The following SOX5 variants were observed in gnomAD, a reference collection of about 807,000 sequenced individuals.
The protein encoded by SOX5 is SRY-box transcription factor 5.
Under a neutral mutation model 92.0 loss-of-function variants are expected in SOX5, and 9 were observed. The ratio of observed to expected loss-of-function variants is 0.10; its 90% CI spans 0.06 to 0.17. The LOEUF is 0.17. Among genes scored for constraint, SOX5 ranks in the 10% least tolerant of loss-of-function variants. The probability of loss-of-function intolerance (pLI) is 1.00; values close to 1 mark genes in which losing one functional copy is unlikely to be tolerated. For synonymous variants in SOX5, 344 were observed against 336.3 expected, an observed-to-expected ratio of 1.02 and a Z score of -0.25; for missense variants, 642 against 944.5, an observed-to-expected ratio of 0.68 and a Z score of 4.20.
At chr12:24,506,869 T>A (rs368333915) in intron 1 of SOX5, among the ~76,000 whole-genome samples, 1 of 138,888 alleles carries the variant, frequency 7.2e-6, no homozygotes, top group Non-Finnish European at 1.5e-5. Context: ...CGGCTCACTG[T>A]AAGCTCCGCC....
chr12:24,326,781 T>TACAC (rs1306084119), intron 2 of SOX5, among the ~76,000 whole-genome samples: 1 of 42,346 alleles, frequency 2.4e-5, no homozygotes, highest in Non-Finnish European at 5.8e-5. Flanking sequence ...CACCCATTCA[T>TACAC]ACACACACAT....
At chr12:24,450,736 C>T (rs1434850040) in intron 1 of SOX5, among the ~76,000 whole-genome samples, 1 of 151,860 alleles carries the variant, frequency 6.6e-6, no homozygotes, top group African/African-American at 2.4e-5. Context: ...AGTGATCCAC[C>T]CACCTTGGCC....
intron 8 of SOX5, among the ~76,000 whole-genome samples, chr12:23,623,283 AC>A (rs2077393523): frequency 6.6e-6 from 1 of 152,188 alleles, no homozygotes; most frequent in Admixed American, 6.5e-5. Context: ...TTATTATAAG[AC>A]AAATGTATTA....
At chr12:24,068,604 T>A (rs934369132) in intron 4 of SOX5, among the ~76,000 whole-genome samples, 1 of 150,804 alleles carries the variant, frequency 6.6e-6, no homozygotes, top group Non-Finnish European at 1.5e-5. Context: ...TTTTAAGATC[T>A]CCTATAGCTG....
At chr12:24,525,607 C>T (rs1412524596) in intron 1 of SOX5, among the ~76,000 whole-genome samples, 1 of 151,838 alleles carries the variant, frequency 6.6e-6, no homozygotes, top group African/African-American at 2.4e-5. Flanking sequence ...CGTGGTGGCT[C>T]ACGCCTGTAA....
chr12:24,009,207 G>C (rs1247233298), intron 4 of SOX5, among the ~76,000 whole-genome samples: 1 of 152,218 alleles, frequency 6.6e-6, no homozygotes, highest in Non-Finnish European at 1.5e-5. Context: ...TTCCACGTGA[G>C]ACCCATCCAG....
chr12:24,434,937 T>C (rs542464433), intron 1 of SOX5, among the ~76,000 whole-genome samples: 1 of 152,374 alleles, frequency 6.6e-6, no homozygotes, highest in Non-Finnish European at 1.5e-5. Context: ...GTCCCTCAAA[T>C]ACCTAGCAGA....
chr12:24,217,179 G>A (rs993112650), intron 3 of SOX5, among the ~76,000 whole-genome samples: 3 of 152,096 alleles, frequency 2.0e-5, no homozygotes, highest in African/African-American at 7.2e-5. Context: ...AACCTTAAAG[G>A]GGTTCTTAGG....
chr12:24,023,363 C>T (rs7973213), intron 4 of SOX5, among the ~76,000 whole-genome samples: 132,555 of 152,084 alleles, frequency 0.87, 58,043 homozygotes, highest in East Asian at 0.98. Flanking sequence ...ACCTCAGAAA[C>T]TGGATGAATG....
At chr12:24,321,315 G>GA (rs1011020616) in intron 2 of SOX5, among the ~76,000 whole-genome samples, 1 of 152,108 alleles carries the variant, frequency 6.6e-6, no homozygotes, top group Non-Finnish European at 1.5e-5. Flanking sequence ...TATTTGTGTA[G>GA]AAAAATCTCA....
chr12:23,970,334 C>T (rs1948085115), intron 4 of SOX5, among the ~76,000 whole-genome samples: 1 of 151,638 alleles, frequency 6.6e-6, no homozygotes, highest in Admixed American at 6.6e-5. Context: ...TATTTAAGTA[C>T]AATTCAGTGG....
chr12:24,224,616 G>T (rs565205076), intron 3 of SOX5, among the ~76,000 whole-genome samples: 1 of 152,088 alleles, frequency 6.6e-6, no homozygotes, highest in East Asian at 1.9e-4. Flanking sequence ...TACAGTTGGT[G>T]AATTTCACTT....
At chr12:24,131,150 T>A (rs560119873) in intron 4 of SOX5, among the ~76,000 whole-genome samples, 5 of 152,308 alleles carry the variant, frequency 3.3e-5, no homozygotes, top group Non-Finnish European at 5.9e-5. Flanking sequence ...AATAACCCAA[T>A]TAGAGGTGAA....
intron 3 of SOX5, among the ~76,000 whole-genome samples, chr12:23,792,646 A>C (rs1393486542): frequency 3.0e-4 from 40 of 132,758 alleles, no homozygotes; most frequent in Middle Eastern, 3.6e-3. Flanking sequence ...AAAAAAAAAA[A>C]AAAAAAAAAA....
chr12:24,412,193 T>C (rs1451029698), intron 1 of SOX5, among the ~76,000 whole-genome samples: 1 of 152,202 alleles, frequency 6.6e-6, no homozygotes, highest in East Asian at 1.9e-4. Context: ...CTGTTTTTAC[T>C]CTGTTAGTCT....
intron 6 of SOX5, among the ~76,000 whole-genome samples, chr12:23,729,413 T>C (rs370472656): frequency 5.9e-5 from 9 of 152,146 alleles, no homozygotes; most frequent in African/African-American, 1.9e-4. Flanking sequence ...CAGGTAAATA[T>C]AATCCTACAC....
chr12:24,160,903 C>T (rs771592705), intron 4 of SOX5, among the ~76,000 whole-genome samples: 4 of 152,080 alleles, frequency 2.6e-5, no homozygotes, highest in Admixed American at 2.6e-4. Context: ...CATGTGCACA[C>T]ACACTCCTCC....
intron 1 of SOX5, among the ~76,000 whole-genome samples, chr12:23,904,046 T>C (rs1794419730): frequency 6.6e-6 from 1 of 152,218 alleles, no homozygotes; most frequent in South Asian, 2.1e-4. Context: ...ATTATTATTA[T>C]ATCTTATAGT....
intron 10 of SOX5, among the ~76,000 whole-genome samples, chr12:23,570,925 AAAAAAATATATATAT>A (rs1329347474): frequency 3.4e-4 from 12 of 35,724 alleles, no homozygotes; most frequent in Admixed American, 2.7e-3. Context: ...AAAAAAAAAA[AAAAAAATATATATAT>A]ATATATATAT....
Sources: gnomAD v4.1 joint callset for allele counts (sites outside exome capture counted in the v4.1 genomes callset) on GRCh38, gnomAD v4.1.1 for gene constraint, MANE v1.5 for transcripts, NCBI Gene and HGNC (gene_info 2026-07-23, HGNC 2026-07-21) for gene names.